RBFOX1: variants seen among roughly 807,000 people sequenced by gnomAD.
RBFOX1 encodes the protein RNA binding protein fox-1 homolog 1.
In RBFOX1, 8 loss-of-function variants were observed where a neutral mutation model predicts 57.7. That is an observed-to-expected ratio of 0.14 (90% CI 0.08 to 0.25). The LOEUF (loss-of-function observed/expected upper bound fraction) is 0.25, where lower values mean the gene tolerates loss of function less well. RBFOX1 is among the 10% of genes least tolerant of loss of function. RBFOX1 has a pLI of 1.00. For missense variants in RBFOX1, 611 were observed against 548.5 expected (o/e 1.11, Z -1.14); for synonymous variants, 326 against 222.4 (o/e 1.47, Z -4.15).
At chr16:7,626,473 C>G (rs964795227) in intron 10 of RBFOX1, among the ~76,000 whole-genome samples, 20 of 152,272 alleles carry the variant, frequency 1.3e-4, no homozygotes, top group Admixed American at 1.2e-3. Context: ...GATCCCGGCA[C>G]TCAGAGTGGG....
At chr16:7,601,231 G>A (rs919098800) in intron 9 of RBFOX1, among the ~76,000 whole-genome samples, 2 of 152,204 alleles carry the variant, frequency 1.3e-5, no homozygotes, top group African/African-American at 4.8e-5. Flanking sequence ...ATTGTAGGAA[G>A]TTGTTTAAAC....
intron 4 of RBFOX1, among the ~76,000 whole-genome samples, chr16:7,384,173 A>C (rs1354996766): frequency 1.3e-5 from 2 of 151,924 alleles, no homozygotes; most frequent in Non-Finnish European, 2.9e-5. Context: ...TGTGCTTTTC[A>C]TATATATATG....
In RBFOX1 at chr16:6,320,729, C is replaced by A. The variant is rs554983746; in HGVS notation, c.-64+3672C>A. 2.0e-5 allele frequency among the ~76,000 whole-genome samples: 3 copies of A among 151,962 alleles called. No individual in the cohort carries two copies. In the South Asian group the frequency reaches 6.2e-4, roughly 32 times the overall value. ...AACGCTTGAAATGTGACTATTACAC[C>A]TGAAAACTAACTGAAAACTAAGTGT... On this transcript the variant is annotated intron_variant, in intron 2 of 15. Coordinates refer to ENST00000550418, the MANE Select transcript of RBFOX1 (RefSeq NM_018723.4).
chr16:6,438,776 G>A (rs961620126), intron 2 of RBFOX1, among the ~76,000 whole-genome samples: 1 of 152,050 alleles, frequency 6.6e-6, no homozygotes, highest in African/African-American at 2.4e-5. Flanking sequence ...TGGTTACTGA[G>A]ACATGCATAA....
chr16:5,581,736 C>A (rs565681243), intron 2 of RBFOX1, among the ~76,000 whole-genome samples: 1 of 152,292 alleles, frequency 6.6e-6, no homozygotes, highest in Admixed American at 6.5e-5. Flanking sequence ...AAAAGAAACA[C>A]TGTATAGTTG....
At chr16:7,586,628 C>G (rs2094140993) in intron 6 of RBFOX1, among the ~76,000 whole-genome samples, 1 of 152,126 alleles carries the variant, frequency 6.6e-6, no homozygotes. Flanking sequence ...TTTCATAGAG[C>G]CTATTCATGC....
At position 7,109,264 on chromosome 16, in the gene RBFOX1, C is replaced by G. The variant is rs148726479; in HGVS notation, c.27+57166C>G. Among the ~76,000 whole-genome samples, 17 of 152,252 alleles carry G rather than the reference C, an allele frequency of 1.1e-4. No homozygotes were observed. In the East Asian group the frequency reaches 2.7e-3, roughly 24 times the overall value. ...TTGGGACCTCATATATTATTGGATG[C>G]AAACGTCTACAAAGGTTGCTATTCT... On this transcript the variant is annotated intron_variant, in intron 4 of 15. Transcript: ENST00000550418.
In RBFOX1 at chr16:5,612,884, G is replaced by A. The variant is rs115129084; in HGVS notation, c.318+13923G>A. Among the ~76,000 whole-genome samples the A allele has an allele frequency of 7.9e-3, 1,206 of 152,286 alleles. 15 individuals carry two copies. The highest frequency in any genetic ancestry group is 0.027 in the African/African-American group (1,135 of 41,556). On this transcript the variant is annotated intron_variant, in intron 3 of 19. Coordinates refer to the RBFOX1 transcript ENST00000641259. ...ATCATTTGGGGTTCTTTTTCCTAAC[G>A]AGGTCTCCTAAATTGACCTAGGCTC...
At chr16:5,956,656 A>G (rs868181283) in intron 4 of RBFOX1, among the ~76,000 whole-genome samples, 3 of 78,928 alleles carry the variant, frequency 3.8e-5, no homozygotes, top group Non-Finnish European at 7.9e-5. Flanking sequence ...ATATATATAT[A>G]TTTATATATA....
intron 1 of RBFOX1, among the ~76,000 whole-genome samples, chr16:6,207,126 A>C (rs1184367267): frequency 6.6e-6 from 1 of 152,072 alleles, no homozygotes; most frequent in African/African-American, 2.4e-5. Flanking sequence ...CAGGCTCCTG[A>C]CTTGGGTCAC....
At chr16:7,163,688 G>C (rs2078861746) in intron 4 of RBFOX1, among the ~76,000 whole-genome samples, 1 of 151,504 alleles carries the variant, frequency 6.6e-6, no homozygotes, top group Non-Finnish European at 1.5e-5. Flanking sequence ...AGACAGTCTT[G>C]CTCTGTCACC....
chr16:5,938,906 T>C (rs1253605789), intron 4 of RBFOX1, among the ~76,000 whole-genome samples: 1 of 152,214 alleles, frequency 6.6e-6, no homozygotes, highest in African/African-American at 2.4e-5. Context: ...TTGGGATGGC[T>C]ATTATGTTAA....
At chr16:7,012,405 C>T (rs1159905233) in intron 3 of RBFOX1, among the ~76,000 whole-genome samples, 4 of 152,172 alleles carry the variant, frequency 2.6e-5, no homozygotes, top group Admixed American at 2.6e-4. Flanking sequence ...CTTCAGGTTT[C>T]TGAGGCCACA....
At chr16:7,497,105 C>G (rs1013936596) in intron 4 of RBFOX1, among the ~76,000 whole-genome samples, 1 of 152,154 alleles carries the variant, frequency 6.6e-6, no homozygotes, top group East Asian at 1.9e-4. Context: ...TAAGACAAAC[C>G]TGACCATGTG....
At chr16:5,293,352 A>T (rs1457456316) in intron 1 of RBFOX1, among the ~76,000 whole-genome samples, 1 of 152,106 alleles carries the variant, frequency 6.6e-6, no homozygotes, top group Non-Finnish European at 1.5e-5. Flanking sequence ...ATCACACCTC[A>T]TCCCCACCTC....
At chr16:6,608,049 C>T (rs552855067) in intron 2 of RBFOX1, among the ~76,000 whole-genome samples, 1 of 152,208 alleles carries the variant, frequency 6.6e-6, no homozygotes, top group South Asian at 2.1e-4. Context: ...CAAAAAAGTC[C>T]TTCATTGTAC....
chr16:6,956,165 A>G (rs1274602566), intron 3 of RBFOX1, among the ~76,000 whole-genome samples: 1 of 152,154 alleles, frequency 6.6e-6, no homozygotes, highest in Non-Finnish European at 1.5e-5. Flanking sequence ...CTGGGAAAAG[A>G]TGGAATGAGG....
At chr16:7,214,110 C>A (rs1001538209) in intron 4 of RBFOX1, among the ~76,000 whole-genome samples, 1 of 151,980 alleles carries the variant, frequency 6.6e-6, no homozygotes, top group Non-Finnish European at 1.5e-5. Context: ...CTTTCCCCTG[C>A]TACCTTATTT....
chr16:7,254,041 T>G (rs1374996582), intron 4 of RBFOX1, among the ~76,000 whole-genome samples: 1 of 152,140 alleles, frequency 6.6e-6, no homozygotes, highest in Non-Finnish European at 1.5e-5. Flanking sequence ...CTAACATGTT[T>G]TTGAGAGTTT....
Sources: allele counts gnomAD v4.1 joint callset (sites outside exome capture counted in the v4.1 genomes callset), GRCh38; gene constraint gnomAD v4.1.1; transcripts MANE v1.5; gene names NCBI Gene and HGNC (gene_info 2026-07-23, HGNC 2026-07-21).